Variants in DTHD1 observed in about 807,000 individuals in gnomAD.
The protein encoded by DTHD1 is death domain-containing protein 1.
In DTHD1, 59 loss-of-function variants were observed where a neutral mutation model predicts 74.8. The ratio of observed to expected loss-of-function variants is 0.79; its 90% confidence interval spans 0.64 to 0.98. DTHD1 has a LOEUF of 0.98. Ranked by LOEUF, DTHD1 falls within the 50% of genes least tolerant of loss-of-function variation. The probability of loss-of-function intolerance (pLI) is 0.00; values close to 1 mark genes in which losing one functional copy is unlikely to be tolerated. For missense variants in DTHD1, 1,051 were observed against 1,065.4 expected (o/e 0.99, Z 0.19); for synonymous variants, 365 against 371.1 (o/e 0.98, Z 0.19).
intron 6 of DTHD1, 107 bp downstream of exon 6, chr4:36,306,459 A>G (rs1400967964): frequency 1.7e-6 from 2 of 1,194,170 alleles, no homozygotes; most frequent in African/African-American, 3.1e-5. Context: ...TTCGAATAGA[A>G]ATATTAACCA....
chr4:36,321,085 G>GTTCA (rs1443497465), intron 8 of DTHD1, among the ~76,000 whole-genome samples: 1 of 152,178 alleles, frequency 6.6e-6, no homozygotes, highest in Non-Finnish European at 1.5e-5. Flanking sequence ...AGCCTCTGTA[G>GTTCA]TTCATTCATT....
At chr4:36,312,733 G>C (rs1290183387) in intron 7 of DTHD1, among the ~76,000 whole-genome samples, 3 of 152,216 alleles carry the variant, frequency 2.0e-5, no homozygotes, top group African/African-American at 7.2e-5. Flanking sequence ...GCCTGAGATG[G>C]CTGGATCAGA....
intron 8 of DTHD1, among the ~76,000 whole-genome samples, chr4:36,327,753 AT>A (rs1222501526): frequency 1.3e-5 from 2 of 152,040 alleles, no homozygotes; most frequent in Non-Finnish European, 2.9e-5. Context: ...GCTTTTGATA[AT>A]TTTTCTTCAC....
intron 8 of DTHD1, among the ~76,000 whole-genome samples, chr4:36,328,344 G>A (rs13129319): frequency 0.69 from 105,279 of 152,000 alleles, 36,772 homozygotes; most frequent in African/African-American, 0.73. Context: ...AGGGCCAAAC[G>A]TTTCTGCCTA....
chr4:36,314,510 A>C (rs1757586698), intron 7 of DTHD1, among the ~76,000 whole-genome samples: 1 of 127,480 alleles, frequency 7.8e-6, no homozygotes, highest in Non-Finnish European at 1.8e-5. Flanking sequence ...CCCCGTCTCT[A>C]CAAAAAAAAA....
chr4:36,313,417 G>GA (rs34007292), intron 7 of DTHD1, among the ~76,000 whole-genome samples: 65,249 of 144,078 alleles, frequency 0.45, 15,786 homozygotes, highest in East Asian at 0.77. Context: ...AGTGAGGGAG[G>GA]AAAAAAAAAA....
rs745341400 is a variant in DTHD1, at chr4:36,343,534, G to T, written c.2431G>T (p.Ala811Ser). The stretch of plus-strand genomic sequence containing the variant: ...TTGGGATAACTTGCTCCATTGGCTG[G>T]CTGAGGAGCTCTCAGAAGAAAATGC... ...ALWDNLLHWLAEELSEENAES... is the reference protein window; with the variant it reads ...ALWDNLLHWLSEELSEENAES... The change falls in exon 10 of 10, where the codon GCT becomes TCT. Residue 811 changes from alanine (A) to serine (S), a missense_variant. Transcript: ENST00000639862. 1.3e-6 allele frequency: 2 copies of T among 1,551,494 alleles called. No individual in the cohort carries two copies. Among genetic ancestry groups the T allele is most frequent in the Non-Finnish European group, 1.7e-6 (2 of 1,146,864 alleles).
rs73809163 is a variant in DTHD1 at position 36,288,874 on chromosome 4, G to A, written c.888-1499G>A. On this transcript the variant is annotated intron_variant, in intron 2 of 9. Coordinates refer to ENST00000639862, the MANE Select transcript of DTHD1 (RefSeq NM_001170700.3). ...AGAGTCATTCCTAAAGTTATACAAC[G>A]CTGGGTCACTGTATCCTCTATTAAA... Among the ~76,000 whole-genome samples, 822 of 152,236 alleles carry A rather than the reference G, an allele frequency of 5.4e-3. 4 individuals carry two copies. The highest frequency in any genetic ancestry group is 0.019 in the African/African-American group (781 of 41,554).
intron 2 of DTHD1, among the ~76,000 whole-genome samples, chr4:36,289,191 T>G (rs1244282916): frequency 6.6e-6 from 1 of 152,184 alleles, no homozygotes; most frequent in African/African-American, 2.4e-5. Context: ...ATTTCCAGTA[T>G]TTCAATCATT....
At chr4:36,300,678 T>C (rs1756713078) in intron 5 of DTHD1, among the ~76,000 whole-genome samples, 1 of 152,248 alleles carries the variant, frequency 6.6e-6, no homozygotes, top group South Asian at 2.1e-4. Context: ...ATTTGTGTAT[T>C]AAATTTATGA....
At chr4:36,298,716 A>T (rs1560793067) in intron 5 of DTHD1, among the ~76,000 whole-genome samples, 2 of 152,214 alleles carry the variant, frequency 1.3e-5, no homozygotes, top group African/African-American at 2.4e-5. Flanking sequence ...TAGTGAAAGG[A>T]TGAGAGTCAT....
intron 6 of DTHD1, among the ~76,000 whole-genome samples, chr4:36,306,604 TA>T (rs890851522): frequency 1.3e-5 from 2 of 152,260 alleles, no homozygotes; most frequent in African/African-American, 4.8e-5. Flanking sequence ...AAAATAGTTT[TA>T]AAATAGCACC....
chr4:36,330,263 C>T (rs1758588388), intron 8 of DTHD1, among the ~76,000 whole-genome samples: 1 of 152,118 alleles, frequency 6.6e-6, no homozygotes, highest in African/African-American at 2.4e-5. Context: ...AAATAGTAAG[C>T]GTAGTGCCAG....
chr4:36,286,745 C>A (rs912893189), intron 2 of DTHD1, among the ~76,000 whole-genome samples: 1 of 152,164 alleles, frequency 6.6e-6, no homozygotes, highest in Non-Finnish European at 1.5e-5. Flanking sequence ...ATATTGCTCC[C>A]AGGCCACAGA....
At chr4:36,312,858 G>A (rs1757483811) in intron 7 of DTHD1, among the ~76,000 whole-genome samples, 1 of 152,216 alleles carries the variant, frequency 6.6e-6, no homozygotes, top group African/African-American at 2.4e-5. Context: ...GTTTTCAACA[G>A]AGAAGTGATC....
chr4:36,311,022 T>C (rs539920614), intron 7 of DTHD1, among the ~76,000 whole-genome samples: 7 of 152,266 alleles, frequency 4.6e-5, no homozygotes, highest in Admixed American at 3.9e-4. Context: ...GATTTTCCTG[T>C]AATACTGTGG....
chr4:36,305,604 AT>A (rs1756998207), intron 5 of DTHD1, among the ~76,000 whole-genome samples: 1 of 152,174 alleles, frequency 6.6e-6, no homozygotes, highest in Non-Finnish European at 1.5e-5. Flanking sequence ...TATCGGTACC[AT>A]TATTATTTTC....
At chr4:36,294,597 T>C (rs1756275386) in intron 4 of DTHD1, among the ~76,000 whole-genome samples, 198 bp from the exon 5 acceptor site, 1 of 151,998 alleles carries the variant, frequency 6.6e-6, no homozygotes, top group South Asian at 2.1e-4. Context: ...AGAAGGACTT[T>C]GTAAAAAGGG....
At position 36,347,105 on chromosome 4, in the gene DTHD1, A is replaced by G. The variant is rs1271331766; in HGVS notation, c.*3281A>G. Reference sequence around the variant, plus strand: ...TATTTTATTTCCCAGAATGGGAGTCATATATTATATATACAGTTTTTAAAA... The same window carrying G: ...TATTTTATTTCCCAGAATGGGAGTCGTATATTATATATACAGTTTTTAAAA... On this transcript the variant is annotated 3_prime_UTR_variant, in exon 10 of 10. Coordinates refer to ENST00000639862, the MANE Select transcript of DTHD1 (RefSeq NM_001170700.3). Among the ~76,000 whole-genome samples, 1 of 152,180 alleles carries G rather than the reference A, an allele frequency of 6.6e-6. No individual in the cohort carries two copies. The highest frequency in any genetic ancestry group is 2.4e-5 in the African/African-American group (1 of 41,446).
Sources: gnomAD v4.1 joint callset for allele counts (sites outside exome capture counted in the v4.1 genomes callset) on GRCh38, gnomAD v4.1.1 for gene constraint, MANE v1.5 for transcripts, NCBI Gene and HGNC (gene_info 2026-07-23, HGNC 2026-07-21) for gene names.